The following TECTA variants were observed in gnomAD, a reference collection of about 807,000 sequenced individuals.
The protein encoded by TECTA is alpha-tectorin.
Under a neutral mutation model 216.8 loss-of-function variants are expected in TECTA, and 128 were observed. The observed-to-expected ratio is 0.59, with a 90% confidence interval of 0.51 to 0.68. The LOEUF (loss-of-function observed/expected upper bound fraction) is 0.68, where lower values mean the gene tolerates loss of function less well. TECTA is among the 30% of genes least tolerant of loss of function. TECTA has a pLI of 0.00. For synonymous variants in TECTA, 1,089 were observed against 1,117.1 expected (o/e 0.97, Z 0.50); for missense variants, 2,551 against 2,786.2 (o/e 0.92, Z 1.90).
intron 8 of TECTA, 52 bp downstream of exon 8, chr11:121,125,924 G>A (rs765084658): frequency 1.3e-6 from 2 of 1,584,512 alleles, no homozygotes; most frequent in South Asian, 1.1e-5. Flanking sequence ...AGGGGGCAGG[G>A]ATAGGCTTTG....
intron 11 of TECTA, among the ~76,000 whole-genome samples, chr11:121,141,706 G>A (rs1360553367): frequency 6.6e-6 from 1 of 152,178 alleles, no homozygotes; most frequent in Admixed American, 6.5e-5. Flanking sequence ...CTTATTGCCA[G>A]TCAGGTGGCC....
chr11:121,182,149 C>T (rs1217807944), intron 20 of TECTA, among the ~76,000 whole-genome samples: 1 of 151,938 alleles, frequency 6.6e-6, no homozygotes, highest in African/African-American at 2.4e-5. Context: ...CTTTTGGGCC[C>T]CTGGGTGGCA....
intron 7 of TECTA, 119 bp downstream of exon 7, chr11:121,118,837 C>T: frequency 7.6e-7 from 1 of 1,316,106 alleles, no homozygotes; most frequent in Non-Finnish European, 1.1e-6. Context: ...CAAAGAGATG[C>T]ACAGCTCTCC....
chr11:121,150,483 CTT>C (rs947947193), intron 12 of TECTA, among the ~76,000 whole-genome samples: 7 of 152,070 alleles, frequency 4.6e-5, no homozygotes, highest in Admixed American at 4.6e-4. Flanking sequence ...AAAAGGGAAA[CTT>C]GACAAATTTC....
Position 121,128,241 on chromosome 11 carries a change from A to G in TECTA, c.2264A>G (p.Asn755Ser). 1 of 1,600,862 alleles carries G rather than the reference A, an allele frequency of 6.2e-7. No individual in the cohort carries two copies. The highest frequency in any genetic ancestry group is 8.5e-7 in the Non-Finnish European group (1 of 1,179,962). ...ERPEYLEIDI[N>S]KKKPDAGPAW... is the part of the protein sequence containing the mutation. ...CCAGAGTACTTGGAAATCGACATCA[A>G]CAAGAAGAAGCCCGATGCAGGACCT... The change falls in exon 9 of 24, where the codon AAC becomes AGC. Residue 755 changes from asparagine to serine, a missense_variant. By Grantham distance (46) the Asn-to-Ser change is conservative. Transcript: ENST00000392793.
chr11:121,118,657 T>G lies in TECTA; in HGVS notation c.1142T>G (p.Leu381Arg). The G allele has an allele frequency of 6.2e-7, 1 of 1,614,028 alleles. No homozygotes were observed. Among genetic ancestry groups the G allele is most frequent in the Non-Finnish European group, 8.5e-7 (1 of 1,180,030 alleles). ...RGSAVSWVKELSVEVNGYKIL... is the reference protein window; with the variant it reads ...RGSAVSWVKERSVEVNGYKIL... ...TCAGCCGTCTCCTGGGTGAAGGAGC[T>G]CTCAGTGGAGGTGAATGGCTACAAG... The change falls in exon 7 of 24, where the codon CTC becomes CGC. Residue 381 changes from leucine to arginine, a missense_variant. Leu to Arg is a moderately radical substitution (Grantham distance 102, BLOSUM62 -2). Transcript: ENST00000392793.
chr11:121,189,695 C>T (rs1457827546), intron 22 of TECTA, 69 bp from the exon 23 acceptor site: 17 of 1,459,544 alleles, frequency 1.2e-5, no homozygotes, highest in Non-Finnish European at 1.6e-5. Flanking sequence ...CTTTTTAAAG[C>T]CCTTCCCTTC....
At chr11:121,134,828 G>A (rs553363072) in intron 10 of TECTA, among the ~76,000 whole-genome samples, 4 of 152,310 alleles carry the variant, frequency 2.6e-5, no homozygotes, top group Admixed American at 1.3e-4. Context: ...GTTTGGTAGC[G>A]TCGTGTGTGC....
At position 121,168,100 on chromosome 11, in the gene TECTA, G is replaced by A. The variant is rs1366449611; in HGVS notation, c.5633G>A (p.Ser1878Asn). ...TATAAAAACACACTCTGGATCGAAA[G>A]CGCCAACAACACTGGCAACATCATC... is the stretch of plus-strand genomic sequence containing the variant. ...IMYKNTLWIESANNTGNIITR... is the reference protein window; with the variant it reads ...IMYKNTLWIENANNTGNIITR... The change falls in exon 19 of 24, where the codon AGC (serine) becomes AAC (asparagine). Residue 1878 changes from serine to asparagine, a missense_variant. Around this residue, in one of 3 missense-constraint regions of TECTA, gnomAD observed 2,375 missense variants for 2,563.9 expected, o/e 0.93. Coordinates refer to ENST00000392793, the MANE Select transcript of TECTA (RefSeq NM_005422.4). The A allele has an allele frequency of 6.2e-7, 1 of 1,614,182 alleles. No homozygotes were observed. Among genetic ancestry groups the A allele is most frequent in the East Asian group, 2.2e-5 (1 of 44,890 alleles).
chr11:121,157,092 G>A (rs1018864039), intron 13 of TECTA, among the ~76,000 whole-genome samples: 1 of 152,150 alleles, frequency 6.6e-6, no homozygotes, highest in African/African-American at 2.4e-5. Context: ...GCTTTCTTAC[G>A]ACTGTTTAAG....
Position 121,189,799 on chromosome 11 carries a change from C to A in TECTA, c.6286C>A (p.Gln2096Lys), listed in dbSNP as rs1433785140. The change falls in exon 23 of 24, where the codon CAG (glutamine) becomes AAG (lysine). Residue 2096 changes from glutamine to lysine, a missense_variant. Physicochemically the swap from Gln to Lys is moderately conservative, Grantham distance 53 (BLOSUM62 1). This residue lies in a region of TECTA where 118 missense variants were observed against 116.4 expected (regional missense o/e 1.01). Transcript: ENST00000392793. ...DWCEDNGGCE[Q>K]ICTSRVDGPL... The stretch of plus-strand genomic sequence containing the variant: ...GTGTGAGGACAATGGAGGGTGTGAG[C>A]AGATTTGCACGAGCCGGGTGGATGG... 2 of 1,613,948 alleles carry A rather than the reference C, an allele frequency of 1.2e-6. No individual in the cohort carries two copies. Among genetic ancestry groups the A allele is most frequent in the Non-Finnish European group, 1.7e-6 (2 of 1,179,962 alleles).
In TECTA at chr11:121,158,011, C is replaced by T. The variant is rs2135120455; in HGVS notation, c.4476C>T (p.Gly1492=). ...TKTSYCLAAG[G]GVFRTFDGAF... ...CCTCCTACTGCCTGGCGGCCGGCGG[C>T]GGCGTCTTCCGCACCTTCGACGGCG... is the stretch of plus-strand genomic sequence containing the variant. The change falls in exon 14 of 24, where the codon GGC becomes GGT. Residue 1492 remains glycine (G), a synonymous_variant. Coordinates refer to ENST00000392793, the MANE Select transcript of TECTA (RefSeq NM_005422.4). 1.9e-6 allele frequency: 3 copies of T among 1,612,660 alleles called. No individual in the cohort carries two copies. The highest frequency in any genetic ancestry group is 1.3e-5 in the African/African-American group (1 of 75,032).
chr11:121,180,564 T>G (rs1947216658), intron 20 of TECTA, among the ~76,000 whole-genome samples: 1 of 152,224 alleles, frequency 6.6e-6, no homozygotes, highest in Non-Finnish European at 1.5e-5. Context: ...TTGGCTTTTG[T>G]CACTTTGAGT....
In TECTA at chr11:121,168,013, C is replaced by A. The variant is rs199660917; in HGVS notation, c.5587-41C>A. 13 of 1,611,632 alleles carry A rather than the reference C, an allele frequency of 8.1e-6. No homozygotes were observed. In the East Asian group the frequency reaches 2.9e-4, roughly 36 times the overall value. ...ATTTGATATGCAAGCTACATACTCA[C>A]TCCCAGATGTAACGATTTCTGACTT... On this transcript the variant is annotated intron_variant, in intron 18 of 23. Transcript: ENST00000392793.
At chr11:121,155,681 A>G (rs749759206) in intron 13 of TECTA, among the ~76,000 whole-genome samples, 7 of 152,208 alleles carry the variant, frequency 4.6e-5, no homozygotes, top group Non-Finnish European at 1.0e-4. Context: ...TTTTTGTGCT[A>G]TTGAAAGATC....
At chr11:121,109,630 TG>T (rs762091392) in intron 4 of TECTA, 132 bp downstream of exon 4, 173 of 1,114,434 alleles carry the variant, frequency 1.6e-4, no homozygotes, top group Non-Finnish European at 2.0e-4. Flanking sequence ...TAATGAGTTT[TG>T]CTACCCACTT....
In TECTA at chr11:121,188,245, G is replaced by A. The variant is rs492047; in HGVS notation, c.6162+251G>A. 0.46 allele frequency among the ~76,000 whole-genome samples: 70,082 copies of A among 152,116 alleles called. 18,822 individuals carry two copies. Among genetic ancestry groups the A allele is most frequent in the African/African-American group, 0.75 (31,205 of 41,486 alleles). Reference sequence around the variant, plus strand: ...TTTCTCAAAGCTCGGCACTGTTGACGTTTTGGACTGAATAATTCTTTGTTG... The same window carrying A: ...TTTCTCAAAGCTCGGCACTGTTGACATTTTGGACTGAATAATTCTTTGTTG... On this transcript the variant is annotated intron_variant, in intron 21 of 23. Coordinates refer to ENST00000392793, the MANE Select transcript of TECTA (RefSeq NM_005422.4).
intron 11 of TECTA, among the ~76,000 whole-genome samples, chr11:121,139,016 G>GAC (rs1946758316): frequency 1.3e-5 from 2 of 152,192 alleles, no homozygotes; most frequent in African/African-American, 2.4e-5. Flanking sequence ...CAACTATACT[G>GAC]ACTTCTTTTC....
chr11:121,113,305 T>G lies in TECTA; in HGVS notation c.624+96T>G. The G allele has an allele frequency of 6.3e-7, 1 of 1,599,658 alleles. No homozygotes were observed. Among genetic ancestry groups the G allele is most frequent in the East Asian group, 2.2e-5 (1 of 44,804 alleles). On this transcript the variant is annotated intron_variant, in intron 5 of 23. Transcript: ENST00000392793. This position sits in a 1 kb window ranked among gnomAD's most constrained non-coding sequence, Gnocchi z 4.2. The stretch of plus-strand genomic sequence containing the variant: ...CTGGAGGGAATCCTGCCACCAGCTT[T>G]TAACTAGAGACGCAGGTCTGATCTC...
Sources: gnomAD v4.1 joint callset for allele counts (sites outside exome capture counted in the v4.1 genomes callset) on GRCh38, gnomAD v4.1.1 for gene constraint, gnomAD v4.1.1 regional missense constraint, Gnocchi (gnomAD v3.1) non-coding constraint, MANE v1.5 for transcripts, NCBI Gene and HGNC (gene_info 2026-07-23, HGNC 2026-07-21) for gene names.